RGS7: variants seen among roughly 807,000 people sequenced by gnomAD.
RGS7 encodes regulator of G protein signaling 7, also known as regulator of G-protein signaling 7.
In RGS7, 27 loss-of-function variants were observed where a neutral mutation model predicts 81.1. The observed-to-expected ratio is 0.33, with a 90% CI of 0.25 to 0.46. The LOEUF is 0.46. Ranked by LOEUF, RGS7 falls within the 20% of genes least tolerant of loss-of-function variation. The probability of loss-of-function intolerance (pLI) is 1.00; values close to 1 mark genes in which losing one functional copy is unlikely to be tolerated. For synonymous variants in RGS7, 208 were observed against 207.7 expected (o/e 1.00, Z -0.01); for missense variants, 396 against 607.4 (o/e 0.65, Z 3.66).
intron 3 of RGS7, among the ~76,000 whole-genome samples, chr1:241,071,047 C>A (rs1378950345): frequency 6.6e-6 from 1 of 152,168 alleles, no homozygotes; most frequent in Non-Finnish European, 1.5e-5. Flanking sequence ...GTAGCATTTT[C>A]TATAAAAACC....
chr1:240,851,234 A>C (rs896147386), intron 9 of RGS7, among the ~76,000 whole-genome samples: 4 of 152,204 alleles, frequency 2.6e-5, no homozygotes. Flanking sequence ...ATGTTCATTG[A>C]TCATTCCGAA....
At chr1:241,208,033 A>G (rs997198654) in intron 2 of RGS7, among the ~76,000 whole-genome samples, 1 of 151,938 alleles carries the variant, frequency 6.6e-6, no homozygotes, top group African/African-American at 2.4e-5. Context: ...AGCCTCCTGA[A>G]TAGCTGGGAA....
At chr1:240,902,913 G>A (rs12749071) in intron 6 of RGS7, among the ~76,000 whole-genome samples, 2 of 152,084 alleles carry the variant, frequency 1.3e-5, no homozygotes, top group African/African-American at 2.4e-5. Context: ...ATGCAACATA[G>A]TATAATTTTA....
intron 6 of RGS7, among the ~76,000 whole-genome samples, chr1:240,898,249 A>AT (rs1471120054): frequency 2.0e-5 from 3 of 152,006 alleles, no homozygotes; most frequent in Non-Finnish European, 2.9e-5. Context: ...GGATTCATTG[A>AT]TTTTTTGAAG....
intron 2 of RGS7, among the ~76,000 whole-genome samples, chr1:241,190,161 T>C (rs898852262): frequency 1.3e-5 from 2 of 152,180 alleles, no homozygotes; most frequent in African/African-American, 2.4e-5. Context: ...TCTATTGTGT[T>C]CCAAACTATC....
At chr1:241,123,568 T>C (rs2066444726) in intron 2 of RGS7, among the ~76,000 whole-genome samples, 1 of 152,084 alleles carries the variant, frequency 6.6e-6, no homozygotes, top group Admixed American at 6.5e-5. Flanking sequence ...CTGACCAACA[T>C]GGAGAAACCC....
intron 2 of RGS7, among the ~76,000 whole-genome samples, chr1:241,254,125 G>A (rs899847513): frequency 4.6e-5 from 7 of 151,598 alleles, no homozygotes; most frequent in Admixed American, 2.6e-4. Context: ...GCACAAACCC[G>A]GGAGGTGGGG....
chr1:240,920,998 T>C (rs1438261762), intron 6 of RGS7, among the ~76,000 whole-genome samples: 1 of 152,020 alleles, frequency 6.6e-6, no homozygotes, highest in Non-Finnish European at 1.5e-5. Flanking sequence ...GCCATCTTGG[T>C]AAATTTCCCC....
chr1:241,320,141 C>A (rs972967188), intron 2 of RGS7, among the ~76,000 whole-genome samples: 13 of 152,268 alleles, frequency 8.5e-5, no homozygotes, highest in Admixed American at 3.3e-4. Context: ...ACTACTCTCC[C>A]TGTGTTTTCC....
intron 3 of RGS7, among the ~76,000 whole-genome samples, chr1:241,010,457 A>C (rs908551647): frequency 6.6e-6 from 1 of 152,236 alleles, no homozygotes; most frequent in African/African-American, 2.4e-5. Context: ...AAAAACCCCA[A>C]GTGGATCAAG....
intron 2 of RGS7, among the ~76,000 whole-genome samples, chr1:241,351,457 C>A (rs2083245693): frequency 6.7e-6 from 1 of 150,230 alleles, no homozygotes; most frequent in South Asian, 2.1e-4. Context: ...GCAATCTTAA[C>A]CCTAAAATAA....
At chr1:240,852,957 C>A (rs563130893) in intron 9 of RGS7, among the ~76,000 whole-genome samples, 23 of 151,994 alleles carry the variant, frequency 1.5e-4, no homozygotes, top group Non-Finnish European at 3.2e-4. Flanking sequence ...CTGTGATTAC[C>A]CTTGTCAGTG....
chr1:240,926,469 T>G (rs958659684), intron 6 of RGS7, among the ~76,000 whole-genome samples: 1 of 152,234 alleles, frequency 6.6e-6, no homozygotes, highest in African/African-American at 2.4e-5. Flanking sequence ...GCTTTACTTT[T>G]GGGCTCTCAA....
chr1:240,942,068 G>C (rs1446332304), intron 4 of RGS7, among the ~76,000 whole-genome samples: 1 of 152,058 alleles, frequency 6.6e-6, no homozygotes, highest in Non-Finnish European at 1.5e-5. Context: ...AAACACCTCT[G>C]ATTAAGTGAA....
At chr1:240,957,368 T>C (rs1381133135) in intron 4 of RGS7, among the ~76,000 whole-genome samples, 1 of 152,164 alleles carries the variant, frequency 6.6e-6, no homozygotes, top group African/African-American at 2.4e-5. Context: ...CTTCCCTCCT[T>C]TTGAGGCTTT....
intron 3 of RGS7, among the ~76,000 whole-genome samples, chr1:241,098,087 C>A (rs1028112410): frequency 6.6e-6 from 1 of 152,190 alleles, no homozygotes; most frequent in African/African-American, 2.4e-5. Flanking sequence ...ACTTTCATCA[C>A]AATATCCTCT....
At chr1:241,211,241 C>T (rs565367184) in intron 2 of RGS7, among the ~76,000 whole-genome samples, 6 of 152,222 alleles carry the variant, frequency 3.9e-5, no homozygotes, top group East Asian at 1.9e-4. Context: ...GCTGAGATGG[C>T]GCCATTGCAC....
chr1:240,963,841 T>C (rs1256304658), intron 4 of RGS7, among the ~76,000 whole-genome samples: 1 of 152,078 alleles, frequency 6.6e-6, no homozygotes, highest in Non-Finnish European at 1.5e-5. Context: ...GGTTAAGATA[T>C]AAAAGTGAAA....
At chr1:241,160,125 A>AAAAAAAAAAAAAG (rs1553271928) in intron 2 of RGS7, among the ~76,000 whole-genome samples, 7 of 141,344 alleles carry the variant, frequency 5.0e-5, no homozygotes, top group Admixed American at 7.2e-5. Flanking sequence ...AAAAAAAAAA[A>AAAAAAAAAAAAAG]AAAAAGAAAA....
Sources: allele counts gnomAD v4.1 joint callset (sites outside exome capture counted in the v4.1 genomes callset), GRCh38; gene constraint gnomAD v4.1.1; transcripts MANE v1.5; gene names NCBI Gene and HGNC (gene_info 2026-07-23, HGNC 2026-07-21).